Variants in MYCBP2 observed in about 807,000 individuals in gnomAD.
MYCBP2 encodes the protein E3 ubiquitin-protein ligase MYCBP2.
In MYCBP2, 120 loss-of-function variants were observed where a neutral mutation model predicts 525.3. That is an observed-to-expected ratio of 0.23 (90% CI 0.20 to 0.27). The LOEUF is 0.27. Ranked by LOEUF, MYCBP2 falls within the 10% of genes least tolerant of loss-of-function variation. MYCBP2 has a pLI of 1.00. For missense variants in MYCBP2, 4,149 were observed against 5,657.1 expected, an observed-to-expected ratio of 0.73 and a Z score of 8.55; for synonymous variants, 1,894 against 1,955.8, an observed-to-expected ratio of 0.97 and a Z score of 0.83.
intron 52 of MYCBP2, among the ~76,000 whole-genome samples, chr13:77,131,315 G>A (rs1370604194): frequency 6.6e-6 from 1 of 151,992 alleles, no homozygotes; most frequent in Admixed American, 6.6e-5. Flanking sequence ...CCAGGAGTTC[G>A]AGACCAGCCT....
At position 77,191,705 on chromosome 13, in the gene MYCBP2, T is replaced by G; in HGVS notation, c.4044A>C (p.Gly1348=). ...SGPSSDCGSH[G]QASITTDDGV... ...CATCATCTGTGGTAATAGATGCCTG[T>G]CCATGAGATCCACAGTCACTGCTGG... Residue 1348 remains glycine (G), a synonymous_variant, in exon 28 of 83, where the codon GGA becomes GGC. Coordinates refer to ENST00000544440, the MANE Select transcript of MYCBP2 (RefSeq NM_015057.5). 6.2e-7 allele frequency: 1 copy of G among 1,614,078 alleles called. No homozygotes were observed.
At chr13:77,120,924 C>T (rs1279153653) in intron 55 of MYCBP2, among the ~76,000 whole-genome samples, 1 of 151,926 alleles carries the variant, frequency 6.6e-6, no homozygotes, top group Non-Finnish European at 1.5e-5. Context: ...AAATTCAAAA[C>T]CACATAAATT....
chr13:77,201,673 C>A (rs764239919), intron 26 of MYCBP2, among the ~76,000 whole-genome samples: 1 of 151,196 alleles, frequency 6.6e-6, no homozygotes, highest in Non-Finnish European at 1.5e-5. Flanking sequence ...TGTAAAAGAA[C>A]AGAAATTATA....
chr13:77,188,654 T>C (rs1290595379), intron 30 of MYCBP2, among the ~76,000 whole-genome samples: 3 of 152,222 alleles, frequency 2.0e-5, no homozygotes, highest in East Asian at 3.8e-4. Flanking sequence ...CTTCATTTTC[T>C]AATTCATTCA....
At chr13:77,224,849 T>C (rs769149772) in intron 19 of MYCBP2, among the ~76,000 whole-genome samples, 6 of 152,230 alleles carry the variant, frequency 3.9e-5, no homozygotes, top group South Asian at 2.1e-4. Flanking sequence ...TAACTACATA[T>C]AAAATATTGT....
At chr13:77,222,566 G>C (rs999199977) in intron 20 of MYCBP2, among the ~76,000 whole-genome samples, 7 of 152,028 alleles carry the variant, frequency 4.6e-5, no homozygotes, top group Admixed American at 1.3e-4. Flanking sequence ...TCTCATCCTG[G>C]ATACATATAG....
chr13:77,202,705 T>G (rs919827205), intron 26 of MYCBP2, among the ~76,000 whole-genome samples: 1 of 151,964 alleles, frequency 6.6e-6, no homozygotes, highest in Admixed American at 6.6e-5. Context: ...CATGATCAAG[T>G]GGGCTTCATC....
intron 59 of MYCBP2, among the ~76,000 whole-genome samples, chr13:77,092,796 T>C (rs1407811816): frequency 6.6e-6 from 1 of 152,190 alleles, no homozygotes; most frequent in African/African-American, 2.4e-5. Flanking sequence ...TTTACTCTGA[T>C]ACTACCATAC....
At chr13:77,156,013 C>A in intron 46 of MYCBP2, 45 bp downstream of exon 46, 1 of 1,552,700 alleles carries the variant, frequency 6.4e-7, no homozygotes, top group Non-Finnish European at 8.8e-7. Flanking sequence ...TCAGTCATTG[C>A]AGCCAGTATA....
At position 77,326,469 on chromosome 13, in the gene MYCBP2, C is replaced by A; in HGVS notation, c.302+5G>T. ...GGCGCAAGGAAGGGCACCCTGGGGA[C>A]GCACCTGGAGGCTGGGTGTCCAGCG... On this transcript the variant is annotated splice_donor_5th_base_variant and intron_variant, in intron 1 of 82. Transcript: ENST00000544440. This position sits in a 1 kb window ranked among gnomAD's most constrained non-coding sequence, Gnocchi z 4.2. 1 of 1,550,136 alleles carries A rather than the reference C, an allele frequency of 6.5e-7. No individual in the cohort carries two copies. Among genetic ancestry groups the A allele is most frequent in the Admixed American group, 2.0e-5 (1 of 50,212 alleles).
rs2047034136 is a variant in MYCBP2, at chr13:77,101,346, C to T, written c.8141-2333G>A. Among the ~76,000 whole-genome samples, 7 of 152,190 alleles carry T rather than the reference C, an allele frequency of 4.6e-5. No homozygotes were observed. The South Asian group carries it at 1.4e-3, about 32-fold the overall frequency. ...TACCTACTCCCTGTGTCAGATGTGT[C>T]TTAGTGGTTGACCTGCACAACAGCT... On this transcript the variant is annotated intron_variant, in intron 55 of 82. Transcript: ENST00000544440.
At chr13:77,275,313 C>T (rs779783028) in intron 4 of MYCBP2, among the ~76,000 whole-genome samples, 10 of 152,198 alleles carry the variant, frequency 6.6e-5, no homozygotes, top group Non-Finnish European at 1.5e-4. Flanking sequence ...GCATGTAAAG[C>T]TCTGCATGTC....
intron 14 of MYCBP2, among the ~76,000 whole-genome samples, chr13:77,257,142 A>G (rs1036142122): frequency 6.6e-6 from 1 of 152,102 alleles, no homozygotes; most frequent in African/African-American, 2.4e-5. Context: ...CCGAAAGACC[A>G]ACTTCACATG....
At chr13:77,092,979 A>C (rs1309871336) in intron 59 of MYCBP2, among the ~76,000 whole-genome samples, 186 bp downstream of exon 59, 1 of 152,142 alleles carries the variant, frequency 6.6e-6, no homozygotes, top group Non-Finnish European at 1.5e-5. Flanking sequence ...CTTCTCTCCA[A>C]CTAGTCTGCC....
intron 1 of MYCBP2, among the ~76,000 whole-genome samples, chr13:77,308,778 C>T (rs1465396736): frequency 6.6e-5 from 10 of 152,122 alleles, no homozygotes; most frequent in Non-Finnish European, 1.2e-4. Flanking sequence ...AGCCAGTTAC[C>T]CTGATGGGGA....
At chr13:77,205,622 T>A (rs748301649) in intron 24 of MYCBP2, 24 bp from the exon 25 acceptor site, 14 of 1,599,316 alleles carry the variant, frequency 8.8e-6, no homozygotes, top group African/African-American at 4.1e-5. Context: ...GAAACAAAAT[T>A]TAACTCCTTG....
intron 7 of MYCBP2, among the ~76,000 whole-genome samples, chr13:77,268,415 A>G (rs2074394097): frequency 6.6e-6 from 1 of 152,230 alleles, no homozygotes; most frequent in South Asian, 2.1e-4. Context: ...GCAAATAAAA[A>G]TCTGATGAGA....
intron 52 of MYCBP2, among the ~76,000 whole-genome samples, chr13:77,132,760 C>T (rs1236552542): frequency 6.6e-6 from 1 of 152,096 alleles, no homozygotes; most frequent in African/African-American, 2.4e-5. Context: ...CATAGAAGTA[C>T]ACTTGTTTTC....
chr13:77,327,051 G>T lies in MYCBP2; in HGVS notation c.-276C>A. The T allele has an allele frequency of 2.3e-6, 1 of 437,706 alleles. No homozygotes were observed. The highest frequency in any genetic ancestry group is 6.9e-5 in the South Asian group (1 of 14,412). 27.1% of individuals were successfully genotyped at this position (437,706 alleles called of 1,614,324 possible). On this transcript the variant is annotated 5_prime_UTR_variant, in exon 1 of 83. Transcript: ENST00000544440. ...TGCCGCCACTGCCGCCGCCACCACC[G>T]CTACCACCGCCACCACCGCCGGGGC... is the stretch of plus-strand genomic sequence containing the variant.
Sources: gnomAD v4.1 joint callset for allele counts (sites outside exome capture counted in the v4.1 genomes callset) on GRCh38, gnomAD v4.1.1 for gene constraint, Gnocchi (gnomAD v3.1) non-coding constraint, MANE v1.5 for transcripts, NCBI Gene and HGNC (gene_info 2026-07-23, HGNC 2026-07-21) for gene names.